The following MTERF4 variants were observed in gnomAD, a reference collection of about 807,000 sequenced individuals.
MTERF4 encodes transcription termination factor 4, mitochondrial.
In MTERF4, 17 loss-of-function variants were observed where a neutral mutation model predicts 22.5. The ratio of observed to expected loss-of-function variants is 0.75; its 90% confidence interval spans 0.52 to 1.13. MTERF4 has a LOEUF of 1.13. Among genes scored for constraint, MTERF4 ranks in the 50% most tolerant of loss-of-function variants. The pLI is 0.00. For missense variants in MTERF4, 420 were observed against 466.8 expected (o/e 0.90, Z 0.92); for synonymous variants, 165 against 175.3 (o/e 0.94, Z 0.47).
downstream of MTERF4, chr2:241,072,098 AGTGT>A (rs531910864): frequency 8.3e-5 from 58 of 700,010 alleles, no homozygotes; most frequent in Middle Eastern, 1.4e-3. Flanking sequence ...GCCTCACGTC[AGTGT>A]GTGGGCTGGA....
chr2:241,072,046 C>G (rs567575081), downstream of MTERF4: 1 of 717,850 alleles, frequency 1.4e-6, no homozygotes, highest in Admixed American at 2.0e-5. Context: ...CGTGGGCCGC[C>G]GGCAGCATGC....
chr2:241,072,338 G>A (rs6717355), exon 5 of MTERF4: 39,505 of 402,604 alleles, frequency 0.098, 2,254 homozygotes, highest in East Asian at 0.2. Context: ...GATGGGCCCA[G>A]GTGCCTTGGG....
chr2:241,100,166 G>C (rs1022576495), intron 1 of MTERF4, among the ~76,000 whole-genome samples: 3 of 152,178 alleles, frequency 2.0e-5, no homozygotes, highest in Non-Finnish European at 4.4e-5. Flanking sequence ...CATGGAGGAA[G>C]AGGGAAAAAC....
downstream of MTERF4, chr2:241,089,460 A>G (rs989831712): frequency 6.5e-7 from 1 of 1,537,632 alleles, no homozygotes; most frequent in Non-Finnish European, 8.8e-7. Context: ...CACCAAAGGA[A>G]GAGTGTCCAC....
chr2:241,091,203 C>A (rs143576242), downstream of MTERF4, among the ~76,000 whole-genome samples: 1 of 152,336 alleles, frequency 6.6e-6, no homozygotes, highest in East Asian at 1.9e-4. The surrounding 1 kb of genome is among the most constrained non-coding windows in gnomAD (Gnocchi z 4.1). Context: ...AACAGAAACA[C>A]ACGCACCCAG....
downstream of MTERF4, chr2:241,088,140 A>T: frequency 1.9e-6 from 1 of 538,382 alleles, no homozygotes; most frequent in Non-Finnish European, 3.3e-6. Flanking sequence ...ACAGCCAGCC[A>T]GGTTTCTAGC....
chr2:241,084,464 A>C (rs1055600545), downstream of MTERF4, among the ~76,000 whole-genome samples: 1 of 152,100 alleles, frequency 6.6e-6, no homozygotes, highest in Non-Finnish European at 1.5e-5. Context: ...AGCAGTGTCT[A>C]GGATTTACCA....
chr2:241,073,511 T>C lies in MTERF4; in HGVS notation n.2651A>G, dbSNP rs1182444437. 6 of 698,252 alleles carry C rather than the reference T, an allele frequency of 8.6e-6. No individual in the cohort carries two copies. Among genetic ancestry groups the C allele is most frequent in the African/African-American group, 7.1e-5 (4 of 56,626 alleles). 43.3% of individuals were successfully genotyped at this position (698,252 alleles called of 1,614,324 possible). A position where few individuals can be genotyped will look rare whatever the true frequency, so the allele number is the denominator to read the frequency against. ...GGAGGCTGAGCACCAGGCACCCCGG[T>C]GTGGGAAGATGGGGTGAAGCTACAC... On this transcript the variant is annotated non_coding_transcript_exon_variant, in exon 5 of 5. Coordinates refer to the MTERF4 transcript ENST00000464344. This position sits in a 1 kb window ranked among gnomAD's most constrained non-coding sequence, Gnocchi z 6.6.
chr2:241,085,860 C>CTTT (rs772995766), downstream of MTERF4, among the ~76,000 whole-genome samples: 636 of 79,174 alleles, frequency 8.0e-3, 12 homozygotes, highest in African/African-American at 0.015. Context: ...TCTGCGGTTT[C>CTTT]TTTTTTTTTT....
chr2:241,077,865 C>T (rs1207882245), intron 4 of MTERF4, among the ~76,000 whole-genome samples: 5 of 152,164 alleles, frequency 3.3e-5, no homozygotes, highest in South Asian at 4.1e-4. Flanking sequence ...GAACCCTCTA[C>T]GCTGCTGGTG....
the MTERF4 span, among the ~76,000 whole-genome samples, chr2:241,056,557 A>T: frequency 2.0e-5 from 3 of 150,826 alleles, no homozygotes; most frequent in African/African-American, 7.3e-5. Context: ...TTAAAAATGA[A>T]TTAGGAATTC....
Position 241,099,702 on chromosome 2 carries a change from T to G in MTERF4, c.214A>C (p.Asn72His). The G allele has an allele frequency of 2.5e-6, 4 of 1,614,174 alleles. No individual in the cohort carries two copies. The highest frequency in any genetic ancestry group is 3.4e-6 in the Non-Finnish European group (4 of 1,180,036). Residue 72 changes from asparagine to histidine, a missense_variant, in exon 2 of 4, where the codon AAT becomes CAT. Transcript: ENST00000391980. The part of the protein sequence containing the change: ...NYVQEPECRR[N>H]LVQCLLEKQG... Reference sequence around the variant, plus strand: ...TTCTCAAGGAGGCACTGAACAAGATTCCTCCTGCACTCTGGTTCCTGCACA... The same window carrying G: ...TTCTCAAGGAGGCACTGAACAAGATGCCTCCTGCACTCTGGTTCCTGCACA...
chr2:241,071,018 C>T (rs1575056181), downstream of MTERF4, among the ~76,000 whole-genome samples: 1 of 152,192 alleles, frequency 6.6e-6, no homozygotes, highest in African/African-American at 2.4e-5. Flanking sequence ...GGGCCAAGCC[C>T]ACCAGCCAGG....
downstream of MTERF4, among the ~76,000 whole-genome samples, chr2:241,068,171 T>C (rs936475806): frequency 6.6e-6 from 1 of 152,132 alleles, no homozygotes; most frequent in Admixed American, 6.5e-5. The surrounding 1 kb of genome is among the most constrained non-coding windows in gnomAD (Gnocchi z 5.3). Context: ...ACCTTGGTAG[T>C]GTTTTAAAGT....
downstream of MTERF4, chr2:241,069,921 G>A: frequency 1.2e-6 from 2 of 1,611,844 alleles, no homozygotes; most frequent in Non-Finnish European, 1.7e-6. This position sits in a 1 kb window ranked among gnomAD's most constrained non-coding sequence, Gnocchi z 4.9. Flanking sequence ...CTCATCCAGG[G>A]CCCCTGCCTC....
At chr2:241,068,784 C>CT, downstream of MTERF4, 1 of 664,162 alleles carries the variant, frequency 1.5e-6, no homozygotes, top group Non-Finnish European at 2.6e-6. The surrounding 1 kb of genome is among the most constrained non-coding windows in gnomAD (Gnocchi z 5.3). Flanking sequence ...TGGAGGTTGC[C>CT]TGGGCCACCA....
downstream of MTERF4, chr2:241,094,034 G>C (rs548281030): frequency 1.3e-4 from 40 of 297,250 alleles, 1 homozygote; most frequent in South Asian, 8.1e-4. This position sits in a 1 kb window ranked among gnomAD's most constrained non-coding sequence, Gnocchi z 4.3. Flanking sequence ...CAACAGCCTA[G>C]GTTCTAGGGA....
chr2:241,054,207 C>T, the MTERF4 span, among the ~76,000 whole-genome samples: 377 of 152,252 alleles, frequency 2.5e-3, 2 homozygotes, highest in African/African-American at 8.4e-3. Context: ...CTATATGTTG[C>T]CAGAAGATGA....
chr2:241,056,867 C>CA, the MTERF4 span, among the ~76,000 whole-genome samples: 1 of 152,070 alleles, frequency 6.6e-6, no homozygotes, highest in South Asian at 2.1e-4. Context: ...AGGCATGAGC[C>CA]ACTGCGCCGG....
Sources: gnomAD v4.1 joint callset for allele counts (sites outside exome capture counted in the v4.1 genomes callset) on GRCh38, gnomAD v4.1.1 for gene constraint, Gnocchi (gnomAD v3.1) non-coding constraint, MANE v1.5 for transcripts, NCBI Gene and HGNC (gene_info 2026-07-23, HGNC 2026-07-21) for gene names.